The following CELSR2 variants were observed in gnomAD, a reference collection of about 807,000 sequenced individuals.
CELSR2 encodes EGF-like protein 2.
In CELSR2, 81 loss-of-function variants were observed where a neutral mutation model predicts 251.6. The ratio of observed to expected loss-of-function variants is 0.32; its 90% CI spans 0.27 to 0.39. The LOEUF (loss-of-function observed/expected upper bound fraction) is 0.39, where lower values mean the gene tolerates loss of function less well. Among genes scored for constraint, CELSR2 ranks in the 10% least tolerant of loss-of-function variants. The pLI, the probability that CELSR2 is intolerant of heterozygous loss-of-function variation, is 1.00. For synonymous variants in CELSR2, 1,721 were observed against 1,670.5 expected (o/e 1.03, Z -0.74); for missense variants, 3,365 against 3,947.7 (o/e 0.85, Z 3.96).
chr1:109,273,697 G>A lies in CELSR2; in HGVS notation c.8744+27G>A. On this transcript the variant is annotated intron_variant, in intron 33 of 33. Coordinates refer to ENST00000271332, the MANE Select transcript of CELSR2 (RefSeq NM_001408.3). ...TGAGTGTGGCCGGGTGGGCGGGACG[G>A]GGTGCAGCCCCTCGGAGGCCTCACC... 2.2e-6 allele frequency: 3 copies of A among 1,387,936 alleles called. No individual in the cohort carries two copies. Among genetic ancestry groups the A allele is most frequent in the African/African-American group, 1.5e-5 (1 of 68,692 alleles). The allele number at this position is 1,387,936 out of a possible 1,614,324, so 86.0% of individuals were successfully genotyped here. A position where few individuals can be genotyped will look rare whatever the true frequency, so the allele number is the denominator to read the frequency against.
rs200277265 is a variant in CELSR2, at chr1:109,250,129, T to A, written c.50T>A (p.Leu17Gln). The A allele has an allele frequency of 1.2e-6, 1 of 859,390 alleles. No homozygotes were observed. The highest frequency in any genetic ancestry group is 1.6e-5 in the South Asian group (1 of 63,546). 53.2% of individuals were successfully genotyped at this position (859,390 alleles called of 1,614,324 possible). The change falls in exon 1 of 34, where the codon CTG (leucine) becomes CAG (glutamine). Residue 17 changes from leucine (L) to glutamine (Q), a missense_variant. Physicochemically the swap from Leu to Gln is moderately radical, Grantham distance 113 (BLOSUM62 -2). This residue lies in a region of CELSR2 where 704 missense variants were observed against 784.1 expected (regional missense o/e 0.90). Coordinates refer to ENST00000271332, the MANE Select transcript of CELSR2 (RefSeq NM_001408.3). This position sits in a 1 kb window ranked among gnomAD's most constrained non-coding sequence, Gnocchi z 4.4. ...CCCCTCCCAACGCCGCCGCCGCCGC[T>A]GCTGCTGCTGTTGCTGCTGCTGCTG... ...GVPLPTPPPP[L>Q]LLLLLLLLPP...
chr1:109,268,696 C>T lies in CELSR2; in HGVS notation c.6434C>T (p.Ala2145Val), dbSNP rs755985884. ...CTGCTCCAGCACTATGAGGCCTACG[C>T]CAGTGCCCTGGCCCAGAACATGCGG... ...AWLLQHYEAY[A>V]SALAQNMRHT... Residue 2145 changes from alanine to valine, a missense_variant, in exon 18 of 34, where the codon GCC becomes GTC. Coordinates refer to ENST00000271332, the MANE Select transcript of CELSR2 (RefSeq NM_001408.3). 6.2e-6 allele frequency: 10 copies of T among 1,613,640 alleles called. No homozygotes were observed. Among genetic ancestry groups the T allele is most frequent in the Non-Finnish European group, 8.5e-6 (10 of 1,179,762 alleles).
intron 6 of CELSR2, 141 bp downstream of exon 6, chr1:109,262,585 C>T (rs2101256169): frequency 7.3e-7 from 1 of 1,368,554 alleles, no homozygotes; most frequent in Non-Finnish European, 9.8e-7. Flanking sequence ...GGGGTCAAGA[C>T]TGGGGAATCA....
Position 109,269,659 on chromosome 1 carries a change from C to G in CELSR2, c.6981-35C>G, listed in dbSNP as rs763557895. ...AGTCCAGGCCCCTGCATGCCTCACC[C>G]TCCTTGTCTCCCTGACCCTGCCTTC... On this transcript the variant is annotated intron_variant, in intron 21 of 33. Coordinates refer to ENST00000271332, the MANE Select transcript of CELSR2 (RefSeq NM_001408.3). The surrounding 1 kb of genome is among the most constrained non-coding windows in gnomAD (Gnocchi z 6.4). 6.2e-7 allele frequency: 1 copy of G among 1,613,964 alleles called. No homozygotes were observed. Among genetic ancestry groups the G allele is most frequent in the Non-Finnish European group, 8.5e-7 (1 of 1,179,894 alleles).
In CELSR2 at chr1:109,253,442, T is replaced by C. The variant is rs926833722; in HGVS notation, c.3310+53T>C. On this transcript the variant is annotated intron_variant, in intron 1 of 33. Coordinates refer to ENST00000271332, the MANE Select transcript of CELSR2 (RefSeq NM_001408.3). ...GTGGGGGTAGCTCGCGGGGATGGTCTGGGCAGCCACTGGAGGTAGGGTGCG... is the reference window on the plus strand; with the variant it reads ...GTGGGGGTAGCTCGCGGGGATGGTCCGGGCAGCCACTGGAGGTAGGGTGCG... 4 of 1,555,848 alleles carry C rather than the reference T, an allele frequency of 2.6e-6. No homozygotes were observed. The African/African-American group carries it at 5.4e-5, about 21-fold the overall frequency.
At position 109,261,239 on chromosome 1, in the gene CELSR2, C is replaced by T. The variant is rs1187331589; in HGVS notation, c.4156C>T (p.Arg1386Cys). The stretch of plus-strand genomic sequence containing the variant: ...CATCACCTTTCGCGGCCTGCGCCAG[C>T]GTTTCCACTTCACCCTGGCCCTCTC... Reference protein sequence around the residue: ...SFITFRGLRQRFHFTLALSFA... With the variant: ...SFITFRGLRQCFHFTLALSFA... Residue 1386 changes from arginine (R) to cysteine (C), a missense_variant, in exon 3 of 34, where the codon CGT becomes TGT. Coordinates refer to ENST00000271332, the MANE Select transcript of CELSR2 (RefSeq NM_001408.3). The surrounding 1 kb of genome is among the most constrained non-coding windows in gnomAD (Gnocchi z 4.8). The T allele has an allele frequency of 2.5e-6, 4 of 1,613,632 alleles. No homozygotes were observed. Among genetic ancestry groups the T allele is most frequent in the South Asian group, 1.1e-5 (1 of 91,068 alleles).
In CELSR2 at chr1:109,264,288, C is replaced by T. The variant is rs771091297; in HGVS notation, c.5212C>T (p.His1738Tyr). 1.9e-6 allele frequency: 3 copies of T among 1,613,856 alleles called. No homozygotes were observed. In the Admixed American group the frequency reaches 5.0e-5, roughly 27 times the overall value. Residue 1738 changes from histidine to tyrosine, a missense_variant, in exon 10 of 34, where the codon CAC becomes TAC. His to Tyr is a moderately conservative substitution (Grantham distance 83, BLOSUM62 2). Around this residue, in one of 5 missense-constraint regions of CELSR2, gnomAD observed 2,093 missense variants for 2,382.8 expected, o/e 0.88. Transcript: ENST00000271332. ...CCTGGGCCCCCGGCTGCATGGTCTGCACCTGAGCAACATAACAGTGGGCGG... is the reference window on the plus strand; with the variant it reads ...CCTGGGCCCCCGGCTGCATGGTCTGTACCTGAGCAACATAACAGTGGGCGG... ...GNLGPRLHGL[H>Y]LSNITVGGIP...
In CELSR2 at chr1:109,269,135, A is replaced by T; in HGVS notation, c.6657A>T (p.Ala2219=). The change falls in exon 20 of 34, where the codon GCA becomes GCT. Residue 2219 remains alanine, a synonymous_variant. Coordinates refer to ENST00000271332, the MANE Select transcript of CELSR2 (RefSeq NM_001408.3). The surrounding 1 kb of genome is among the most constrained non-coding windows in gnomAD (Gnocchi z 6.4). ...FRETPPVVRP[A]GPGEAQEPEE... ...AGACGCCCCCCGTGGTCAGGCCCGCAGGCCCCGGAGAGGCCCAGGAGCCAG... is the reference window on the plus strand; with the variant it reads ...AGACGCCCCCCGTGGTCAGGCCCGCTGGCCCCGGAGAGGCCCAGGAGCCAG... 1 of 1,606,414 alleles carries T rather than the reference A, an allele frequency of 6.2e-7. No individual in the cohort carries two copies. The highest frequency in any genetic ancestry group is 8.5e-7 in the Non-Finnish European group (1 of 1,176,632).
In CELSR2 at chr1:109,253,296, G is replaced by T; in HGVS notation, c.3217G>T (p.Val1073Phe). Reference protein sequence around the residue: ...SFERGNELSLVLLNASTGELK... With the variant: ...SFERGNELSLFLLNASTGELK... ...TGAGCGGGGAAATGAACTCAGCCTG[G>T]TCCTGCTCAATGCCTCCACGGGTGA... The change falls in exon 1 of 34, where the codon GTC becomes TTC. Residue 1073 changes from valine to phenylalanine, a missense_variant. This residue lies in a region of CELSR2 where 505 missense variants were observed against 660.0 expected (regional missense o/e 0.77). Transcript: ENST00000271332. The T allele has an allele frequency of 6.2e-7, 1 of 1,613,456 alleles. No homozygotes were observed. The highest frequency in any genetic ancestry group is 8.5e-7 in the Non-Finnish European group (1 of 1,180,042).
rs1317451976 is a variant in CELSR2 at position 109,263,770 on chromosome 1, C to A, written c.4994C>A (p.Thr1665Asn). 6.2e-7 allele frequency: 1 copy of A among 1,612,972 alleles called. No homozygotes were observed. The highest frequency in any genetic ancestry group is 1.3e-5 in the African/African-American group (1 of 75,056). ...QAITRGRSTITLQLREGHVML... is the reference protein window; with the variant it reads ...QAITRGRSTINLQLREGHVML... ...ATCACCAGGGGGCGCAGCACCATCACCCTACAGGTGATGCATGGAAGGGCG... is the reference window on the plus strand; with the variant it reads ...ATCACCAGGGGGCGCAGCACCATCAACCTACAGGTGATGCATGGAAGGGCG... Residue 1665 changes from threonine to asparagine, a missense_variant, in exon 9 of 34, where the codon ACC becomes AAC. Around this residue, in one of 5 missense-constraint regions of CELSR2, gnomAD observed 2,093 missense variants for 2,382.8 expected, o/e 0.88. Coordinates refer to ENST00000271332, the MANE Select transcript of CELSR2 (RefSeq NM_001408.3).
rs1245970967 is a variant in CELSR2, at chr1:109,251,692, C to G, written c.1613C>G (p.Ala538Gly). 6.2e-7 allele frequency: 1 copy of G among 1,614,104 alleles called. No individual in the cohort carries two copies. The highest frequency in any genetic ancestry group is 8.5e-7 in the Non-Finnish European group (1 of 1,180,028). The change falls in exon 1 of 34, where the codon GCC becomes GGC. Residue 538 changes from alanine to glycine, a missense_variant. This residue lies in a region of CELSR2 where 704 missense variants were observed against 784.1 expected (regional missense o/e 0.90). Transcript: ENST00000271332. This position sits in a 1 kb window ranked among gnomAD's most constrained non-coding sequence, Gnocchi z 4.9. ...ATCGACGCTGATGCTGGTGACAATG[C>G]CCGCCTGGAATACCGCCTTGCTGGG... ...QAIDADAGDN[A>G]RLEYRLAGVG...
Position 109,268,914 on chromosome 1 carries a change from T to C in CELSR2, c.6537T>C (p.Phe2179=), listed in dbSNP as rs777239634. 1 of 1,612,788 alleles carries C rather than the reference T, an allele frequency of 6.2e-7. No homozygotes were observed. Among genetic ancestry groups the C allele is most frequent in the Non-Finnish European group, 8.5e-7 (1 of 1,179,050 alleles). Residue 2179 remains phenylalanine, a synonymous_variant, in exon 19 of 34, where the codon TTT becomes TTC. Transcript: ENST00000271332. The stretch of plus-strand genomic sequence containing the variant: ...TAGTGCGCTTGGACAAAGGGAACTT[T>C]GCTGGGGCCAAGCTGCCCCGCTACG... ...ISVVRLDKGN[F]AGAKLPRYEA... is the part of the protein sequence containing the mutation.
At position 109,262,498 on chromosome 1, in the gene CELSR2, G is replaced by A; in HGVS notation, c.4544+54G>A. The A allele has an allele frequency of 1.9e-6, 3 of 1,594,896 alleles. No individual in the cohort carries two copies. The East Asian group carries it at 6.7e-5, about 36-fold the overall frequency. ...GTGAAGTGAGGGCAGGGCCAGGCAG[G>A]GAGGGAAGGTGGAGAGGGTGGGCTT... is the stretch of plus-strand genomic sequence containing the variant. On this transcript the variant is annotated intron_variant, in intron 6 of 33. Transcript: ENST00000271332.
rs75497225 is a variant in CELSR2, at chr1:109,269,514, C to T, written c.6903C>T (p.Pro2301=). Residue 2301 remains proline (P), a synonymous_variant, in exon 21 of 34, where the codon CCC becomes CCT. Coordinates refer to ENST00000271332, the MANE Select transcript of CELSR2 (RefSeq NM_001408.3). This position sits in a 1 kb window ranked among gnomAD's most constrained non-coding sequence, Gnocchi z 6.4. Reference sequence around the variant, plus strand: ...TTCTGCCCCGGGCCCTGGACAAACCCGTCACGGTGCAGTTCCGCCTGCTGG... The same window carrying T: ...TTCTGCCCCGGGCCCTGGACAAACCTGTCACGGTGCAGTTCCGCCTGCTGG... ...EELLPRALDK[P]VTVQFRLLET... The T allele has an allele frequency of 8.8e-4, 1,427 of 1,614,158 alleles. 13 individuals carry two copies. In the African/African-American group the frequency reaches 0.014, roughly 15 times the overall value.
At chr1:109,262,528 G>C (rs1244098810) in intron 6 of CELSR2, 84 bp downstream of exon 6, 1 of 1,541,558 alleles carries the variant, frequency 6.5e-7, no homozygotes, top group African/African-American at 1.4e-5. Flanking sequence ...GGGCTTTTGG[G>C]GTCTCTCTCC....
In CELSR2 at chr1:109,251,742, A is replaced by G. The variant is rs1340455335; in HGVS notation, c.1663A>G (p.Ile555Val). ...AGVGHDFPFT[I>V]NNGTGWISVA... ...GGTGGGACATGACTTCCCCTTCACC[A>G]TCAACAATGGCACAGGCTGGATCTC... The change falls in exon 1 of 34, where the codon ATC (isoleucine) becomes GTC (valine). Residue 555 changes from isoleucine to valine, a missense_variant. Around this residue, in one of 5 missense-constraint regions of CELSR2, gnomAD observed 704 missense variants for 784.1 expected, o/e 0.90. Coordinates refer to ENST00000271332, the MANE Select transcript of CELSR2 (RefSeq NM_001408.3). The surrounding 1 kb of genome is among the most constrained non-coding windows in gnomAD (Gnocchi z 4.9). 1 of 1,613,998 alleles carries G rather than the reference A, an allele frequency of 6.2e-7. No homozygotes were observed. The highest frequency in any genetic ancestry group is 1.1e-5 in the South Asian group (1 of 91,046).
In CELSR2 at chr1:109,250,589, T is replaced by C; in HGVS notation, c.510T>C (p.Arg170=). The C allele has an allele frequency of 6.2e-7, 1 of 1,613,458 alleles. No individual in the cohort carries two copies. The highest frequency in any genetic ancestry group is 8.5e-7 in the Non-Finnish European group (1 of 1,179,866). ...CACCAGAAGAGTCCCTGGGTGGGCG[T>C]CGGAAAAGGAATGTAAATACAGCCC... The part of the protein sequence containing the change: ...ERSPEESLGG[R]RKRNVNTAPQ... The change falls in exon 1 of 34, where the codon CGT becomes CGC. Residue 170 remains arginine, a synonymous_variant. Coordinates refer to ENST00000271332, the MANE Select transcript of CELSR2 (RefSeq NM_001408.3). The surrounding 1 kb of genome is among the most constrained non-coding windows in gnomAD (Gnocchi z 4.4).
In CELSR2 at chr1:109,250,060, C is replaced by G; in HGVS notation, c.-20C>G. The G allele has an allele frequency of 7.5e-7, 1 of 1,330,820 alleles. No homozygotes were observed. Among genetic ancestry groups the G allele is most frequent in the Non-Finnish European group, 9.5e-7 (1 of 1,048,930 alleles). The allele number at this position is 1,330,820 out of a possible 1,614,324, so 82.4% of individuals were successfully genotyped here. A position where few individuals can be genotyped will look rare whatever the true frequency, so the allele number is the denominator to read the frequency against. ...GCCGCCGCCGCCGTTGACCCGGCCG[C>G]CGGCCGGGAGCTGGGAGAGATGCGG... On this transcript the variant is annotated 5_prime_UTR_variant, in exon 1 of 34. Coordinates refer to ENST00000271332, the MANE Select transcript of CELSR2 (RefSeq NM_001408.3). The surrounding 1 kb of genome is among the most constrained non-coding windows in gnomAD (Gnocchi z 4.4).
chr1:109,260,822 C>T (rs1195027271), intron 2 of CELSR2, among the ~76,000 whole-genome samples: 2 of 152,082 alleles, frequency 1.3e-5, no homozygotes, highest in African/African-American at 4.8e-5. Context: ...GGAGCTGTGG[C>T]GAGAGCGGCT....
Sources: allele counts gnomAD v4.1 joint callset (sites outside exome capture counted in the v4.1 genomes callset), GRCh38; gene constraint gnomAD v4.1.1; regional missense constraint gnomAD v4.1.1; non-coding constraint Gnocchi (gnomAD v3.1); transcripts MANE v1.5; gene names NCBI Gene and HGNC (gene_info 2026-07-23, HGNC 2026-07-21).